Variants in STRC observed in about 807,000 individuals in gnomAD.
The protein encoded by STRC is stereocilin.
STRC carries 43 observed loss-of-function variants against 103.5 expected under a neutral mutation model. That is an observed-to-expected ratio of 0.42 (90% CI 0.33 to 0.54). STRC has a LOEUF of 0.54. STRC is among the 20% of genes least tolerant of loss of function. STRC has a pLI of 0.14. For synonymous variants in STRC, 186 were observed against 442.3 expected, an observed-to-expected ratio of 0.42 and a Z score of 7.27; for missense variants, 499 against 1,088.5, an observed-to-expected ratio of 0.46 and a Z score of 7.62.
chr15:43,602,374 G>A (rs2085677012), intron 23 of STRC, among the ~76,000 whole-genome samples: 1 of 151,814 alleles, frequency 6.6e-6, no homozygotes, highest in Non-Finnish European at 1.5e-5. Context: ...AGTAGAGACA[G>A]GGTTTCACCA....
intron 22 of STRC, 77 bp from the exon 23 acceptor site, chr15:43,603,488 G>A (rs1268034905): frequency 1.4e-6 from 2 of 1,480,522 alleles, no homozygotes; most frequent in African/African-American, 1.4e-5. Context: ...GATAGAGTGA[G>A]TCTTCCAACC....
intron 17 of STRC, 38 bp downstream of exon 17, chr15:43,608,042 C>T: frequency 6.2e-7 from 1 of 1,610,964 alleles, no homozygotes; most frequent in Non-Finnish European, 8.5e-7. Context: ...GGGTCCCAGC[C>T]TCCCTGCTCC....
intron 24 of STRC, 100 bp downstream of exon 24, chr15:43,601,296 A>G (rs1441866229): frequency 1.2e-4 from 192 of 1,537,044 alleles, no homozygotes; most frequent in Non-Finnish European, 1.6e-4. Context: ...AGGACCAGGT[A>G]GGGTCACAGG....
Position 43,599,970 on chromosome 15 carries a change from TG to T in STRC, c.5228del (p.Pro1743GlnfsTer24). 1 of 1,539,380 alleles carries T rather than the reference TG, an allele frequency of 6.5e-7. No individual in the cohort carries two copies. Among genetic ancestry groups the T allele is most frequent in the Non-Finnish European group, 8.9e-7 (1 of 1,128,340 alleles). On this transcript the variant is annotated frameshift_variant, in exon 28 of 29. Transcript: ENST00000450892. LOFTEE classifies it low-confidence loss of function (END_TRUNC). ...AWAQHEGKES[P>X]EQQGRSTAWG... is the part of the protein sequence containing the mutation. Reference sequence around the variant, plus strand: ...CAGCTGGGAACTCACCTTGCTGTTCTGGGCTCTCCTTTCCCTCATGTTGGGC... The same window carrying T: ...CAGCTGGGAACTCACCTTGCTGTTCTGGCTCTCCTTTCCCTCATGTTGGGC...
chr15:43,600,319 A>G lies in STRC; in HGVS notation c.4994-26T>C. On this transcript the variant is annotated intron_variant, in intron 26 of 28. Coordinates refer to ENST00000450892, the MANE Select transcript of STRC (RefSeq NM_153700.2). Reference sequence around the variant, plus strand: ...CTGTTGAAGCAAGTGGCATCCAAACATTGTCTTAGACTGACCTTCCCTCTC... The same window carrying G: ...CTGTTGAAGCAAGTGGCATCCAAACGTTGTCTTAGACTGACCTTCCCTCTC... 3 of 843,868 alleles carry G rather than the reference A, an allele frequency of 3.6e-6. No individual in the cohort carries two copies. In the Admixed American group the frequency reaches 6.1e-5, roughly 17 times the overall value. The allele number at this position is 843,868 out of a possible 1,614,324, so 52.3% of individuals were successfully genotyped here.
rs886963420 is a variant in STRC at position 43,604,135 on chromosome 15, C to G, written c.4236G>C (p.Glu1412Asp). The G allele has an allele frequency of 1.2e-6, 2 of 1,610,142 alleles. No individual in the cohort carries two copies. Among genetic ancestry groups the G allele is most frequent in the African/African-American group, 2.7e-5 (2 of 74,782 alleles). ...GCTTTTCTAGAAGCCGCTCCAGGGT[C>G]TCTGGACCCAAGGCCTCCTGCATGA... ...SLIPREALGP[E>D]TLERLLEKQQ... is the part of the protein sequence containing the mutation. The change falls in exon 22 of 29, where the codon GAG becomes GAC. Residue 1412 changes from glutamate to aspartate, a missense_variant. Glu to Asp is a conservative substitution (Grantham distance 45). Transcript: ENST00000450892.
chr15:43,603,302 A>T lies in STRC; in HGVS notation c.4485T>A (p.Phe1495Leu), dbSNP rs773324258. Residue 1495 changes from phenylalanine (F) to leucine (L), a missense_variant, in exon 23 of 29, where the codon TTT (phenylalanine) becomes TTA (leucine). By Grantham distance (22) the Phe-to-Leu change is conservative. Transcript: ENST00000450892. ...CAGGCCCAAGTCCTGGGTCTCCTGCAAATAATGTCAGGCAGTCCTCAAAGT... is the reference window on the plus strand; with the variant it reads ...CAGGCCCAAGTCCTGGGTCTCCTGCTAATAATGTCAGGCAGTCCTCAAAGT... ...LSDFEDCLTLFAGDPGLGPEE... is the reference protein window; with the variant it reads ...LSDFEDCLTLLAGDPGLGPEE... The T allele has an allele frequency of 1.2e-6, 2 of 1,613,856 alleles. No homozygotes were observed. The highest frequency in any genetic ancestry group is 2.2e-5 in the South Asian group (2 of 91,054).
intron 18 of STRC, among the ~76,000 whole-genome samples, chr15:43,607,084 A>T (rs540420080): frequency 6.7e-6 from 1 of 148,716 alleles, no homozygotes; most frequent in African/African-American, 2.5e-5. Flanking sequence ...TTCCCCAGGA[A>T]GACTGTAACA....
rs560371288 is a variant in STRC, at chr15:43,600,797, C to G, written c.4844+75G>C. On this transcript the variant is annotated intron_variant, in intron 25 of 28. Coordinates refer to ENST00000450892, the MANE Select transcript of STRC (RefSeq NM_153700.2). ...AGTTCCCTTCCTCCATGGGACCAGACCTTCATGATCCTTCTTTCCCCAGTA... is the reference window on the plus strand; with the variant it reads ...AGTTCCCTTCCTCCATGGGACCAGAGCTTCATGATCCTTCTTTCCCCAGTA... 6.8e-6 allele frequency: 11 copies of G among 1,613,230 alleles called. 1 individual carries two copies. In the South Asian group the frequency reaches 1.2e-4, roughly 18 times the overall value.
At position 43,601,518 on chromosome 15, in the gene STRC, G is replaced by A; in HGVS notation, c.4579C>T (p.Gln1527Ter). The A allele has an allele frequency of 1.2e-6, 2 of 1,613,868 alleles. No homozygotes were observed. The highest frequency in any genetic ancestry group is 1.7e-6 in the Non-Finnish European group (2 of 1,179,868). The change falls in exon 24 of 29, where the codon CAG (glutamine) becomes TAG (stop). Residue 1527 changes from glutamine to a stop codon, truncating the protein, a stop_gained. Coordinates refer to ENST00000450892, the MANE Select transcript of STRC (RefSeq NM_153700.2). LOFTEE classifies it high-confidence loss of function. ...WGPPRGFRPE[Q>*]ILQLGRLLIG... The stretch of plus-strand genomic sequence containing the variant: ...AAGAGCCTACCAAGCTGCAGGATCT[G>A]CTCAGGACGAAATCCCCGGGGGGGA...
In STRC at chr15:43,608,028, C is replaced by T. The variant is rs1031128292; in HGVS notation, c.3681+52G>A. The stretch of plus-strand genomic sequence containing the variant: ...CAGAACATAGGAGCTGGGTTCTATA[C>T]CTAGGGTCCCAGCCTCCCTGCTCCC... On this transcript the variant is annotated intron_variant, in intron 17 of 28. Transcript: ENST00000450892. 16 of 1,610,890 alleles carry T rather than the reference C, an allele frequency of 9.9e-6. 1 individual carries two copies. The highest frequency in any genetic ancestry group is 5.5e-5 in the African/African-American group (4 of 72,818).
chr15:43,601,489 T>C lies in STRC; in HGVS notation c.4608A>G (p.Ile1536Met), dbSNP rs2085668147. ...CCTGTAGTTCCCGATCTCCTAGACC[T>C]ATTAAGAGCCTACCAAGCTGCAGGA... ...EQILQLGRLL[I>M]GLGDRELQEL... The change falls in exon 24 of 29, where the codon ATA becomes ATG. Residue 1536 changes from isoleucine (I) to methionine (M), a missense_variant. By Grantham distance (10) the Ile-to-Met change is conservative. Transcript: ENST00000450892. 1 of 1,613,766 alleles carries C rather than the reference T, an allele frequency of 6.2e-7. No individual in the cohort carries two copies. Among genetic ancestry groups the C allele is most frequent in the Non-Finnish European group, 8.5e-7 (1 of 1,179,826 alleles).
chr15:43,611,011 T>G, intron 13 of STRC, 27 bp from the exon 14 acceptor site: 1 of 1,610,776 alleles, frequency 6.2e-7, no homozygotes, highest in South Asian at 1.1e-5. Flanking sequence ...TGTGTGTGTG[T>G]GTGTGTGTGT....
chr15:43,608,736 A>T (rs567558331), intron 16 of STRC, among the ~76,000 whole-genome samples: 1 of 143,844 alleles, frequency 7.0e-6, no homozygotes, highest in Non-Finnish European at 1.5e-5. Flanking sequence ...AAAAAAAAAA[A>T]AAAAAAAGAT....
chr15:43,605,255 G>A lies in STRC; in HGVS notation c.3930+9C>T. On this transcript the variant is annotated intron_variant, in intron 19 of 28. Coordinates refer to ENST00000450892, the MANE Select transcript of STRC (RefSeq NM_153700.2). ...CAGCAAATCTGAGTCTGGTAGGGTG[G>A]ACTCTTACCAGGTTTTGTAGTGCCC... The A allele has an allele frequency of 1.3e-6, 2 of 1,579,742 alleles. No individual in the cohort carries two copies. The highest frequency in any genetic ancestry group is 1.7e-6 in the Non-Finnish European group (2 of 1,161,710).
rs2729522 is a variant in STRC at position 43,607,034 on chromosome 15, G to A, written c.3794+829C>T. 2.1e-4 allele frequency among the ~76,000 whole-genome samples: 32 copies of A among 150,226 alleles called. 2 individuals carry two copies. Among genetic ancestry groups the A allele is most frequent in the East Asian group, 1.6e-3 (8 of 4,920 alleles). On this transcript the variant is annotated intron_variant, in intron 18 of 28. Transcript: ENST00000450892. Reference sequence around the variant, plus strand: ...AAAAAAGAAAAAAAAGAAAAAAGTAGGAATGAAGTCAACTGCTTTTACTCC... The same window carrying A: ...AAAAAAGAAAAAAAAGAAAAAAGTAAGAATGAAGTCAACTGCTTTTACTCC...
chr15:43,605,433 G>A, intron 18 of STRC, 34 bp from the exon 19 acceptor site: 3 of 1,579,690 alleles, frequency 1.9e-6, no homozygotes, highest in African/African-American at 1.3e-5. Flanking sequence ...CAGGATTCAG[G>A]TGGAGCTGGG....
chr15:43,608,982 A>C lies in STRC; in HGVS notation c.3557+294T>G, dbSNP rs1449085058. ...TGGTGCCATTGTAATTCTCATTTAAAGAAGGGAAAACTGACACAGGGACGT... is the reference window on the plus strand; with the variant it reads ...TGGTGCCATTGTAATTCTCATTTAACGAAGGGAAAACTGACACAGGGACGT... On this transcript the variant is annotated intron_variant, in intron 16 of 28. Coordinates refer to ENST00000450892, the MANE Select transcript of STRC (RefSeq NM_153700.2). Among the ~76,000 whole-genome samples the C allele has an allele frequency of 1.7e-4, 25 of 149,394 alleles. No individual in the cohort carries two copies. The East Asian group carries it at 4.9e-3, about 29-fold the overall frequency.
chr15:43,602,011 A>C (rs1240311070), intron 23 of STRC, among the ~76,000 whole-genome samples: 1 of 148,246 alleles, frequency 6.7e-6, no homozygotes, highest in Non-Finnish European at 1.5e-5. Context: ...GCTACTTGAG[A>C]GGCTGAGGCA....
Sources: gnomAD v4.1 joint callset for allele counts (sites outside exome capture counted in the v4.1 genomes callset) on GRCh38, gnomAD v4.1.1 for gene constraint, MANE v1.5 for transcripts, NCBI Gene and HGNC (gene_info 2026-07-23, HGNC 2026-07-21) for gene names.